LINGO2: variants seen among roughly 807,000 people sequenced by gnomAD.
LINGO2 encodes the protein leucine-rich repeat and immunoglobulin-like domain-containing nogo receptor-interacting protein 2.
In LINGO2, 14 loss-of-function variants were observed where a neutral mutation model predicts 30.6. The ratio of observed to expected loss-of-function variants is 0.46; its 90% CI spans 0.30 to 0.72. LINGO2 has a LOEUF of 0.72. Among genes scored for constraint, LINGO2 ranks in the 30% least tolerant of loss-of-function variants. The pLI is 0.07. For synonymous variants in LINGO2, 317 were observed against 288.5 expected (o/e 1.10, Z -1.00); for missense variants, 729 against 751.7 (o/e 0.97, Z 0.35).
At chr9:28,523,378 C>A (rs778907496) in intron 1 of LINGO2, among the ~76,000 whole-genome samples, 1 of 152,098 alleles carries the variant, frequency 6.6e-6, no homozygotes, top group African/African-American at 2.4e-5. Context: ...TGGTGAAAGA[C>A]TTAATATGAC....
intron 3 of LINGO2, among the ~76,000 whole-genome samples, chr9:28,312,774 G>A (rs190605177): frequency 3.9e-4 from 59 of 152,110 alleles, no homozygotes; most frequent in African/African-American, 1.3e-3. Context: ...TGTCATTGCT[G>A]TTTCCATTTA....
At chr9:29,188,872 G>C in the LINGO2 span, among the ~76,000 whole-genome samples, 1 of 146,622 alleles carries the variant, frequency 6.8e-6, no homozygotes, top group Admixed American at 6.7e-5. Context: ...GCGGCTGGCC[G>C]GGCAGAGGGG....
upstream of LINGO2, among the ~76,000 whole-genome samples, chr9:28,673,238 G>A (rs1588054767): frequency 2.0e-5 from 3 of 152,030 alleles, no homozygotes; most frequent in Admixed American, 2.0e-4. Flanking sequence ...ACAGTGATGG[G>A]GCATCACATT....
chr9:28,609,192 C>T (rs1363179567), intron 1 of LINGO2, among the ~76,000 whole-genome samples: 4 of 140,322 alleles, frequency 2.9e-5, no homozygotes, highest in Admixed American at 7.3e-5. Flanking sequence ...TAAAAATATT[C>T]GAGGAAAGTA....
intron 4 of LINGO2, among the ~76,000 whole-genome samples, chr9:28,096,748 T>A (rs938204378): frequency 6.6e-6 from 1 of 151,948 alleles, no homozygotes; most frequent in African/African-American, 2.4e-5. Context: ...ACCATTCCAA[T>A]TGCATATACT....
At chr9:28,902,839 C>T in the LINGO2 span, among the ~76,000 whole-genome samples, 137,269 of 151,740 alleles carry the variant, frequency 0.9, 62,282 homozygotes, top group Non-Finnish European at 0.94. Context: ...CAAATGAAAA[C>T]GAAAATAAAA....
At chr9:28,589,771 T>G (rs1002714537) in intron 1 of LINGO2, among the ~76,000 whole-genome samples, 4 of 152,054 alleles carry the variant, frequency 2.6e-5, no homozygotes, top group Non-Finnish European at 5.9e-5. Context: ...AAGCTACCAA[T>G]GACTTTCTTC....
chr9:28,165,474 A>G (rs1188722269), intron 4 of LINGO2, among the ~76,000 whole-genome samples: 1 of 152,320 alleles, frequency 6.6e-6, no homozygotes, highest in East Asian at 1.9e-4. Flanking sequence ...TGTTCAAACC[A>G]TATAGTAACT....
the LINGO2 span, among the ~76,000 whole-genome samples, chr9:28,820,286 G>C: frequency 6.7e-6 from 1 of 148,386 alleles, no homozygotes; most frequent in African/African-American, 2.5e-5. Flanking sequence ...GACTATAGAA[G>C]ACCACGTGTG....
chr9:28,249,306 T>C (rs946007728), intron 4 of LINGO2, among the ~76,000 whole-genome samples: 2 of 152,096 alleles, frequency 1.3e-5, no homozygotes, highest in Admixed American at 1.3e-4. Context: ...AAAATATATT[T>C]TTATGCTGAA....
chr9:29,144,763 G>A, the LINGO2 span, among the ~76,000 whole-genome samples: 30 of 152,094 alleles, frequency 2.0e-4, 1 homozygote, highest in East Asian at 5.0e-3. Flanking sequence ...GATAATATGA[G>A]TGACTAGTTT....
rs1564029476 is a variant in LINGO2 at position 28,189,671 on chromosome 9, GGAA to G, written c.-87+105534_-87+105536del. ...AGGGAGGAAGGAAGGAAGGAAGGGAGGAAGGAAGGAAGGGAGGAAGGAAGGGAG... is the reference window on the plus strand; with the variant it reads ...AGGGAGGAAGGAAGGAAGGAAGGGAGGGAAGGAAGGGAGGAAGGAAGGGAG... On this transcript the variant is annotated intron_variant, in intron 4 of 5. Transcript: ENST00000379992. Among the ~76,000 whole-genome samples the G allele has an allele frequency of 5.7e-5, 5 of 88,314 alleles. 1 individual carries two copies. Among genetic ancestry groups the G allele is most frequent in the African/African-American group, 1.3e-4 (3 of 22,686 alleles). The allele number at this position is 88,314 out of a possible 152,430, so 57.9% of individuals were successfully genotyped here. A position where few individuals can be genotyped will look rare whatever the true frequency, so the allele number is the denominator to read the frequency against.
At chr9:28,490,559 G>C (rs1826355825) in intron 1 of LINGO2, among the ~76,000 whole-genome samples, 2 of 152,074 alleles carry the variant, frequency 1.3e-5, no homozygotes, top group Non-Finnish European at 1.5e-5. Context: ...TGTGCTCCAG[G>C]TTCCTTCATT....
At chr9:28,342,097 CTT>C (rs974220194) in intron 3 of LINGO2, among the ~76,000 whole-genome samples, 3 of 152,134 alleles carry the variant, frequency 2.0e-5, no homozygotes, top group African/African-American at 7.2e-5. Context: ...TGTTAACTCT[CTT>C]CTCTCTGAAA....
At chr9:28,034,372 T>C (rs1258428854) in intron 4 of LINGO2, among the ~76,000 whole-genome samples, 1 of 152,224 alleles carries the variant, frequency 6.6e-6, no homozygotes, top group African/African-American at 2.4e-5. Context: ...GCCCGTTCTA[T>C]TTAGCTCTTC....
rs536732151 is a variant in LINGO2 at position 28,636,947 on chromosome 9, G to T, written c.-365+33253C>A. On this transcript the variant is annotated intron_variant, in intron 1 of 5. Coordinates refer to ENST00000379992, the Ensembl canonical transcript of LINGO2. Reference sequence around the variant, plus strand: ...TTAGGTTTTCTTCTAGGGTTTTTATGGTTTTAGGTCTAACATTTAAGTCTT... The same window carrying T: ...TTAGGTTTTCTTCTAGGGTTTTTATTGTTTTAGGTCTAACATTTAAGTCTT... Among the ~76,000 whole-genome samples, 45 of 152,170 alleles carry T rather than the reference G, an allele frequency of 3.0e-4. No individual in the cohort carries two copies. The Middle Eastern group carries it at 0.01, about 35-fold the overall frequency.
At chr9:28,653,734 A>G (rs1828213551) in intron 1 of LINGO2, among the ~76,000 whole-genome samples, 1 of 152,100 alleles carries the variant, frequency 6.6e-6, no homozygotes, top group Non-Finnish European at 1.5e-5. Context: ...AATTCATCCA[A>G]TATACACTGT....
At chr9:28,758,515 G>GT in the LINGO2 span, among the ~76,000 whole-genome samples, 1 of 151,972 alleles carries the variant, frequency 6.6e-6, no homozygotes, top group Non-Finnish European at 1.5e-5. Flanking sequence ...ATACAGTGTG[G>GT]TTTTTTGGAA....
chr9:28,280,141 A>ATTTG lies in LINGO2; in HGVS notation c.-87+15066_-87+15067insCAAA, dbSNP rs535961870. On this transcript the variant is annotated intron_variant, in intron 4 of 5. Transcript: ENST00000379992. ...TCATTTAAAGATGTGGATGAAAGGC[A>ATTTG]AAGAATGGGCATTTGAAAATGATGC... Among the ~76,000 whole-genome samples the ATTTG allele has an allele frequency of 9.7e-4, 148 of 152,278 alleles. 1 individual carries two copies. The South Asian group carries it at 0.02, about 21-fold the overall frequency.
Sources: gnomAD v4.1 joint callset for allele counts (sites outside exome capture counted in the v4.1 genomes callset) on GRCh38, gnomAD v4.1.1 for gene constraint, MANE v1.5 for transcripts, NCBI Gene and HGNC (gene_info 2026-07-23, HGNC 2026-07-21) for gene names.